BORCS5: variants seen among roughly 807,000 people sequenced by gnomAD.
The protein encoded by BORCS5 is BLOC-1 related complex subunit 5.
A neutral mutation model predicts 22.1 loss-of-function variants in BORCS5; 17 were observed. The observed-to-expected ratio is 0.77, with a 90% confidence interval of 0.53 to 1.15. The LOEUF (loss-of-function observed/expected upper bound fraction) is 1.15. Ranked by LOEUF, BORCS5 falls within the 50% of genes most tolerant of loss-of-function variation. The pLI, the probability that BORCS5 is intolerant of heterozygous loss-of-function variation, is 0.00. For missense variants in BORCS5, 247 were observed against 253.2 expected, an observed-to-expected ratio of 0.98 and a Z score of 0.17; for synonymous variants, 117 against 99.8, an observed-to-expected ratio of 1.17 and a Z score of -1.03.
intron 3 of BORCS5, among the ~76,000 whole-genome samples, chr12:12,442,369 C>T (rs2136134421): frequency 6.6e-6 from 1 of 152,286 alleles, no homozygotes; most frequent in African/African-American, 2.4e-5. Context: ...TAAGATAAAG[C>T]CACAAGCTTT....
intron 2 of BORCS5, among the ~76,000 whole-genome samples, chr12:12,423,438 C>CTTTTT (rs939681383): frequency 5.2e-5 from 3 of 57,254 alleles, no homozygotes; most frequent in African/African-American, 1.3e-4. Context: ...ACTCCCTCAG[C>CTTTTT]TTTTTTTTTT....
chr12:12,447,861 G>A (rs1045901863), intron 3 of BORCS5, among the ~76,000 whole-genome samples: 5 of 152,188 alleles, frequency 3.3e-5, no homozygotes, highest in Admixed American at 6.5e-5. Context: ...TCTGGACATC[G>A]GAAAAGGGAG....
chr12:12,388,559 T>C (rs1053637190), intron 2 of BORCS5, among the ~76,000 whole-genome samples: 3 of 151,308 alleles, frequency 2.0e-5, no homozygotes, highest in African/African-American at 7.3e-5. Flanking sequence ...ATAAGTATAT[T>C]ATTAATGAAA....
rs1224086677 is a variant in BORCS5, at chr12:12,378,757, G to T, written c.202+17408G>T. Among the ~76,000 whole-genome samples the T allele has an allele frequency of 4.0e-5, 6 of 151,196 alleles. 1 individual carries two copies. The highest frequency in any genetic ancestry group is 8.9e-5 in the Non-Finnish European group (6 of 67,638). ...TGTTAATTTCCTGGTTTTGATCATT[G>T]TATTGCAGTTACATACTATGTTAAT... On this transcript the variant is annotated intron_variant, in intron 2 of 3. Transcript: ENST00000314565.
intron 2 of BORCS5, among the ~76,000 whole-genome samples, chr12:12,432,162 A>T (rs976205026): frequency 6.6e-6 from 1 of 152,108 alleles, no homozygotes; most frequent in Non-Finnish European, 1.5e-5. Flanking sequence ...GTTTGTTGTC[A>T]TGAGGAGTCT....
rs962164500 is a variant in BORCS5, at chr12:12,407,531, A to G, written c.203-28097A>G. Among the ~76,000 whole-genome samples, 5 of 152,190 alleles carry G rather than the reference A, an allele frequency of 3.3e-5. No homozygotes were observed. In the South Asian group the frequency reaches 8.3e-4, roughly 25 times the overall value. On this transcript the variant is annotated intron_variant, in intron 2 of 3. Coordinates refer to ENST00000314565, the MANE Select transcript of BORCS5 (RefSeq NM_058169.6). ...CATTTTAATCCTTTTTGAGTGTACA[A>G]TTCAGTGGCATTAAGTATATTCACA...
At chr12:12,413,732 G>T (rs1941812003) in intron 2 of BORCS5, among the ~76,000 whole-genome samples, 1 of 93,356 alleles carries the variant, frequency 1.1e-5, no homozygotes, top group Admixed American at 9.2e-5. Context: ...CATCCTCCCG[G>T]ACGGGGCGGC....
intron 3 of BORCS5, among the ~76,000 whole-genome samples, chr12:12,441,017 T>C (rs1051871792): frequency 2.0e-5 from 3 of 152,006 alleles, no homozygotes; most frequent in Admixed American, 1.3e-4. Flanking sequence ...AGATCAAAGA[T>C]GAAGGAGAAA....
chr12:12,412,063 C>T (rs192716709), intron 2 of BORCS5, among the ~76,000 whole-genome samples: 9 of 152,200 alleles, frequency 5.9e-5, no homozygotes, highest in African/African-American at 1.7e-4. Context: ...GTGAGTCCTC[C>T]AGCTTTGTTC....
chr12:12,459,685 T>A (rs1943067876), intron 3 of BORCS5, among the ~76,000 whole-genome samples: 1 of 152,232 alleles, frequency 6.6e-6, no homozygotes, highest in Admixed American at 6.5e-5. Context: ...AGGTCTGTGA[T>A]CCATTCCATA....
At chr12:12,401,559 A>G (rs1486408693) in intron 2 of BORCS5, among the ~76,000 whole-genome samples, 2 of 152,124 alleles carry the variant, frequency 1.3e-5, no homozygotes, top group East Asian at 3.9e-4. Context: ...GATTATTTTA[A>G]GGAACTTGGA....
intron 2 of BORCS5, among the ~76,000 whole-genome samples, chr12:12,417,704 G>A (rs776292450): frequency 6.6e-6 from 1 of 152,124 alleles, no homozygotes; most frequent in African/African-American, 2.4e-5. Context: ...CACCCAGGCT[G>A]CAGTGCAGTA....
chr12:12,435,849 C>A, intron 3 of BORCS5, 64 bp downstream of exon 3: 1 of 1,497,062 alleles, frequency 6.7e-7, no homozygotes, highest in Non-Finnish European at 9.2e-7. Context: ...ACTCTGGATG[C>A]CATCTTAAGA....
chr12:12,448,453 G>C (rs899636493), intron 3 of BORCS5, among the ~76,000 whole-genome samples: 2 of 151,496 alleles, frequency 1.3e-5, no homozygotes, highest in African/African-American at 4.9e-5. Flanking sequence ...GACCTCAGTT[G>C]ATCTGCCCGC....
intron 2 of BORCS5, among the ~76,000 whole-genome samples, chr12:12,377,468 C>G (rs1441775340): frequency 6.6e-6 from 1 of 152,046 alleles, no homozygotes; most frequent in East Asian, 1.9e-4. Context: ...CATGAGCTAC[C>G]ATGCCCAGCC....
intron 2 of BORCS5, among the ~76,000 whole-genome samples, chr12:12,394,540 TAAA>T (rs34438755): frequency 8.2e-5 from 12 of 147,200 alleles, no homozygotes; most frequent in African/African-American, 3.0e-4. Context: ...TGCCGCCCTT[TAAA>T]AAAAAAAAAT....
intron 3 of BORCS5, among the ~76,000 whole-genome samples, chr12:12,462,461 G>A (rs1040749484): frequency 1.3e-5 from 2 of 152,146 alleles, no homozygotes; most frequent in African/African-American, 4.8e-5. Context: ...CATAGATACT[G>A]GGTCGAGGGT....
At chr12:12,403,931 C>T (rs1378342537) in intron 2 of BORCS5, among the ~76,000 whole-genome samples, 1 of 152,136 alleles carries the variant, frequency 6.6e-6, no homozygotes, top group East Asian at 1.9e-4. Flanking sequence ...AAAGTTTAAT[C>T]CTTGGCTTTG....
chr12:12,428,116 A>G (rs898339912), intron 2 of BORCS5, among the ~76,000 whole-genome samples: 10 of 152,294 alleles, frequency 6.6e-5, no homozygotes, highest in South Asian at 2.1e-4. Flanking sequence ...ATGTGTCCCA[A>G]TATTTGTAAT....
Sources: allele counts gnomAD v4.1 joint callset (sites outside exome capture counted in the v4.1 genomes callset), GRCh38; gene constraint gnomAD v4.1.1; transcripts MANE v1.5; gene names NCBI Gene and HGNC (gene_info 2026-07-23, HGNC 2026-07-21).